DNAAF9: variants seen among roughly 807,000 people sequenced by gnomAD.
DNAAF9 encodes dynein axonemal assembly factor 9.
A neutral mutation model predicts 167.0 loss-of-function variants in DNAAF9; 90 were observed. The ratio of observed to expected loss-of-function variants is 0.54; its 90% CI spans 0.45 to 0.64. The LOEUF (loss-of-function observed/expected upper bound fraction) is 0.64, where lower values mean the gene tolerates loss of function less well. Ranked by LOEUF, DNAAF9 falls within the 30% of genes least tolerant of loss-of-function variation. The pLI, the probability that DNAAF9 is intolerant of heterozygous loss-of-function variation, is 0.00. For missense variants in DNAAF9, 1,315 were observed against 1,442.2 expected (o/e 0.91, Z 1.43); for synonymous variants, 491 against 508.8 (o/e 0.96, Z 0.47).
rs993831369 is a variant in DNAAF9 at position 3,316,734 on chromosome 20, A to G, written c.1528T>C (p.Cys510Arg). The G allele has an allele frequency of 1.9e-6, 3 of 1,613,258 alleles. No individual in the cohort carries two copies. The highest frequency in any genetic ancestry group is 2.5e-6 in the Non-Finnish European group (3 of 1,179,292). Residue 510 changes from cysteine to arginine, a missense_variant, in exon 18 of 37, where the codon TGC becomes CGC. Cys to Arg is a radical substitution (Grantham distance 180, BLOSUM62 -3). Coordinates refer to ENST00000252032, the MANE Select transcript of DNAAF9 (RefSeq NM_001009984.3). ...TGAATGACACTAACCAGCCAGGAGC[A>G]GAATCTGGGTACAGCAGCAGTCAGG... is the stretch of plus-strand genomic sequence containing the variant. The part of the protein sequence containing the change: ...VVLTAAVPRF[C>R]SWLVEDNEVK...
rs1385620064 is a variant in DNAAF9, at chr20:3,264,566, T to C, written c.2787-42A>G. 4.1e-6 allele frequency: 4 copies of C among 969,008 alleles called. No individual in the cohort carries two copies. In the Admixed American group the frequency reaches 7.5e-5, roughly 18 times the overall value. 60.0% of individuals were successfully genotyped at this position (969,008 alleles called of 1,614,324 possible). Reference sequence around the variant, plus strand: ...AAAAGACCTAGATTAATTAGGACTGTCAATCTCTTTTTTTTTTTTCTTGAG... The same window carrying C: ...AAAAGACCTAGATTAATTAGGACTGCCAATCTCTTTTTTTTTTTTCTTGAG... On this transcript the variant is annotated intron_variant, in intron 30 of 36. Coordinates refer to ENST00000252032, the MANE Select transcript of DNAAF9 (RefSeq NM_001009984.3).
intron 4 of DNAAF9, 140 bp from the exon 5 acceptor site, chr20:3,375,266 A>T (rs2083560601): frequency 3.3e-6 from 2 of 602,828 alleles, no homozygotes; most frequent in Non-Finnish European, 5.8e-6. Context: ...TTCCAAAGCC[A>T]ACCTTTTTCA....
intron 5 of DNAAF9, 105 bp downstream of exon 5, chr20:3,374,925 G>C (rs1173261137): frequency 1.1e-5 from 7 of 660,158 alleles, no homozygotes; most frequent in Non-Finnish European, 1.9e-5. Context: ...AAAAATAGAC[G>C]AAGGGGTTTC....
intron 21 of DNAAF9, among the ~76,000 whole-genome samples, chr20:3,304,217 T>C (rs1322659691): frequency 6.6e-6 from 1 of 152,148 alleles, no homozygotes; most frequent in Non-Finnish European, 1.5e-5. Context: ...AAGCCCTTTC[T>C]AGGTAAGCCC....
intron 12 of DNAAF9, among the ~76,000 whole-genome samples, chr20:3,329,281 C>T (rs897034260): frequency 6.6e-6 from 1 of 152,192 alleles, no homozygotes; most frequent in Admixed American, 6.5e-5. Flanking sequence ...GATCCTCCTG[C>T]CTCAGCCTCC....
chr20:3,398,329 A>AGGAAG (rs2083939060), intron 1 of DNAAF9, among the ~76,000 whole-genome samples: 1 of 152,202 alleles, frequency 6.6e-6, no homozygotes, highest in Non-Finnish European at 1.5e-5. Flanking sequence ...CTCTTCCTAT[A>AGGAAG]AGTCTATCTC....
At chr20:3,342,623 G>C (rs572340573) in intron 9 of DNAAF9, among the ~76,000 whole-genome samples, 1 of 152,168 alleles carries the variant, frequency 6.6e-6, no homozygotes, top group African/African-American at 2.4e-5. Flanking sequence ...TTAAGCTACA[G>C]GCAAACAAGG....
chr20:3,376,611 A>C (rs2083579019), intron 3 of DNAAF9, among the ~76,000 whole-genome samples: 1 of 152,226 alleles, frequency 6.6e-6, no homozygotes, highest in Non-Finnish European at 1.5e-5. Context: ...AGGGAAACAG[A>C]AGTTACCAGC....
intron 1 of DNAAF9, among the ~76,000 whole-genome samples, chr20:3,407,209 G>C (rs901521966): frequency 6.6e-6 from 1 of 152,150 alleles, no homozygotes; most frequent in African/African-American, 2.4e-5. Flanking sequence ...GCTGTCCCTA[G>C]GGAAGCCATT....
chr20:3,383,144 G>A (rs1279482592), intron 1 of DNAAF9, among the ~76,000 whole-genome samples: 2 of 151,966 alleles, frequency 1.3e-5, no homozygotes, highest in Non-Finnish European at 1.5e-5. Context: ...TTCTCTCCAT[G>A]CCCATCCCCT....
chr20:3,358,108 T>C (rs1410013922), intron 7 of DNAAF9, among the ~76,000 whole-genome samples: 2 of 152,170 alleles, frequency 1.3e-5, no homozygotes, highest in East Asian at 3.8e-4. Flanking sequence ...TCATTTTTTT[T>C]TCTGCTATGG....
intron 7 of DNAAF9, among the ~76,000 whole-genome samples, 175 bp from the exon 8 acceptor site, chr20:3,348,798 A>G (rs1221297725): frequency 6.6e-6 from 1 of 152,198 alleles, no homozygotes; most frequent in Non-Finnish European, 1.5e-5. Context: ...TCTCAAAAAC[A>G]TTATACCAAA....
intron 1 of DNAAF9, among the ~76,000 whole-genome samples, chr20:3,390,274 GAGA>G (rs1022341990): frequency 2.8e-4 from 42 of 151,918 alleles, no homozygotes; most frequent in African/African-American, 8.7e-4. Context: ...AAGACAGATT[GAGA>G]AGAAGAAAAA....
intron 12 of DNAAF9, among the ~76,000 whole-genome samples, chr20:3,329,796 C>G (rs6515791): frequency 0.25 from 37,830 of 151,898 alleles, 5,244 homozygotes; most frequent in African/African-American, 0.37. Context: ...TGCTGAAGGA[C>G]AATGCTTTCT....
intron 12 of DNAAF9, among the ~76,000 whole-genome samples, chr20:3,329,986 C>T (rs1017943520): frequency 2.6e-5 from 4 of 152,196 alleles, no homozygotes; most frequent in African/African-American, 7.2e-5. Context: ...ACTCTTCAGA[C>T]CAGTTGGGGT....
intron 23 of DNAAF9, chr20:3,295,478 CTTTT>C: frequency 1.2e-5 from 3 of 246,780 alleles, no homozygotes; most frequent in Non-Finnish European, 2.4e-5. Context: ...TGCGCCTGAC[CTTTT>C]TTTTTTTTTT....
chr20:3,285,271 G>A (rs925576068), intron 27 of DNAAF9, among the ~76,000 whole-genome samples: 1 of 152,144 alleles, frequency 6.6e-6, no homozygotes, highest in African/African-American at 2.4e-5. Flanking sequence ...GCCAAGCCAG[G>A]CATGGTGGCT....
chr20:3,253,049 C>T (rs747391963), intron 36 of DNAAF9, among the ~76,000 whole-genome samples: 1 of 152,186 alleles, frequency 6.6e-6, no homozygotes, highest in Non-Finnish European at 1.5e-5. Context: ...ACAGGCTGGG[C>T]GCAGTGGCTC....
chr20:3,327,518 A>G (rs1296582405), intron 12 of DNAAF9, among the ~76,000 whole-genome samples: 1 of 152,188 alleles, frequency 6.6e-6, no homozygotes, highest in Non-Finnish European at 1.5e-5. Context: ...GCATCTGGCA[A>G]GGAACTGACA....
Sources: gnomAD v4.1 joint callset for allele counts (sites outside exome capture counted in the v4.1 genomes callset) on GRCh38, gnomAD v4.1.1 for gene constraint, MANE v1.5 for transcripts, NCBI Gene and HGNC (gene_info 2026-07-23, HGNC 2026-07-21) for gene names.